KCNN2: variants seen among roughly 807,000 people sequenced by gnomAD.
The protein encoded by KCNN2 is small conductance calcium-activated potassium channel protein 2.
In KCNN2, 24 loss-of-function variants were observed where a neutral mutation model predicts 55.5. The observed-to-expected ratio is 0.43, with a 90% confidence interval of 0.31 to 0.61. The LOEUF is 0.61. Among genes scored for constraint, KCNN2 ranks in the 20% least tolerant of loss-of-function variants. KCNN2 has a pLI of 0.08. For missense variants in KCNN2, 754 were observed against 853.6 expected, an observed-to-expected ratio of 0.88 and a Z score of 1.45; for synonymous variants, 431 against 336.1, an observed-to-expected ratio of 1.28 and a Z score of -3.09.
At chr5:114,276,000 ATG>A (rs1755480524) in intron 2 of KCNN2, among the ~76,000 whole-genome samples, 1 of 152,124 alleles carries the variant, frequency 6.6e-6, no homozygotes, top group East Asian at 1.9e-4. Context: ...AATGCTTTAA[ATG>A]TGTCCCAGAG....
At chr5:114,238,089 T>C (rs1754541492) in intron 2 of KCNN2, among the ~76,000 whole-genome samples, 1 of 152,178 alleles carries the variant, frequency 6.6e-6, no homozygotes, top group Non-Finnish European at 1.5e-5. Context: ...TCAGTAAGTC[T>C]CTCTAGCATT....
intron 3 of KCNN2, among the ~76,000 whole-genome samples, chr5:114,434,440 T>C (rs769472049): frequency 5.3e-5 from 8 of 152,188 alleles, no homozygotes; most frequent in Non-Finnish European, 1.2e-4. Flanking sequence ...TAAATCCCAG[T>C]CTGATAACCC....
chr5:114,184,437 G>A (rs1201125259), intron 1 of KCNN2, among the ~76,000 whole-genome samples: 3 of 152,168 alleles, frequency 2.0e-5, no homozygotes, highest in Admixed American at 1.3e-4. Flanking sequence ...GCTAAAAGAT[G>A]TTGAGATTGC....
chr5:114,237,531 G>A (rs1754527077), intron 2 of KCNN2, among the ~76,000 whole-genome samples: 1 of 152,082 alleles, frequency 6.6e-6, no homozygotes, highest in South Asian at 2.1e-4. Context: ...AGGTAGGAGG[G>A]AGAGAGAAGG....
At chr5:114,251,695 A>G (rs921473128) in intron 2 of KCNN2, among the ~76,000 whole-genome samples, 4 of 152,236 alleles carry the variant, frequency 2.6e-5, no homozygotes, top group East Asian at 1.9e-4. Context: ...TATATTTTGC[A>G]TCTTCTCACA....
intron 1 of KCNN2, among the ~76,000 whole-genome samples, chr5:114,058,108 GC>G (rs1223878734): frequency 6.6e-6 from 1 of 152,162 alleles, no homozygotes; most frequent in Non-Finnish European, 1.5e-5. Flanking sequence ...ATGTGAATAT[GC>G]TTAACAGCCT....
intron 2 of KCNN2, among the ~76,000 whole-genome samples, chr5:114,321,203 AC>A (rs1490223836): frequency 6.6e-6 from 1 of 151,736 alleles, no homozygotes; most frequent in Non-Finnish European, 1.5e-5. Flanking sequence ...AGTACAATTT[AC>A]CCCCATTGTT....
chr5:114,188,262 T>A (rs1343831531), intron 1 of KCNN2, among the ~76,000 whole-genome samples: 1 of 152,220 alleles, frequency 6.6e-6, no homozygotes, highest in East Asian at 1.9e-4. Flanking sequence ...TATTTGGGCC[T>A]CTTGAGGAGG....
At chr5:114,136,914 G>C (rs1002933156) in intron 1 of KCNN2, among the ~76,000 whole-genome samples, 1 of 152,120 alleles carries the variant, frequency 6.6e-6, no homozygotes, top group Non-Finnish European at 1.5e-5. Context: ...GGTTAATGAG[G>C]TTCAATAATT....
At chr5:114,225,611 T>C (rs1202345983) in intron 2 of KCNN2, among the ~76,000 whole-genome samples, 1 of 151,948 alleles carries the variant, frequency 6.6e-6, no homozygotes, top group Non-Finnish European at 1.5e-5. Flanking sequence ...ATCAAATGAA[T>C]GAATGAGTCT....
chr5:114,339,213 G>C (rs926664634), intron 2 of KCNN2, among the ~76,000 whole-genome samples: 4 of 152,218 alleles, frequency 2.6e-5, no homozygotes, highest in Admixed American at 1.3e-4. Flanking sequence ...CTGAGGAGTT[G>C]TGGCCCTCTA....
chr5:114,378,408 C>T (rs146703252), intron 2 of KCNN2, among the ~76,000 whole-genome samples: 2 of 152,174 alleles, frequency 1.3e-5, no homozygotes, highest in African/African-American at 4.8e-5. Flanking sequence ...TTTGTTCTAT[C>T]TTTGCATCAA....
intron 2 of KCNN2, among the ~76,000 whole-genome samples, chr5:114,251,950 C>T (rs368448557): frequency 1.4e-5 from 2 of 147,872 alleles, no homozygotes; most frequent in African/African-American, 5.0e-5. Flanking sequence ...GTGATCTTGG[C>T]TCACTGCAAC....
intron 1 of KCNN2, among the ~76,000 whole-genome samples, chr5:114,094,895 A>G (rs915929871): frequency 6.6e-6 from 1 of 152,084 alleles, no homozygotes; most frequent in African/African-American, 2.4e-5. Context: ...CTTATAATTC[A>G]ATCCTGCTTT....
At chr5:114,396,532 A>C (rs938820851) in intron 2 of KCNN2, among the ~76,000 whole-genome samples, 3 of 149,440 alleles carry the variant, frequency 2.0e-5, no homozygotes, top group Non-Finnish European at 4.4e-5. Flanking sequence ...GCATATAAGC[A>C]TAGTACCCAA....
At chr5:114,113,132 T>A (rs1158876398) in intron 1 of KCNN2, among the ~76,000 whole-genome samples, 1 of 152,016 alleles carries the variant, frequency 6.6e-6, no homozygotes, top group African/African-American at 2.4e-5. Context: ...GCTTTAAAGA[T>A]CTCTAAATAA....
At chr5:114,232,694 T>C (rs1348837916) in intron 2 of KCNN2, among the ~76,000 whole-genome samples, 8 of 150,956 alleles carry the variant, frequency 5.3e-5, no homozygotes, top group Admixed American at 5.3e-4. Flanking sequence ...GCTTAAAAAG[T>C]ATTGTTCTTT....
At chr5:114,214,686 C>G (rs1305108421) in intron 1 of KCNN2, among the ~76,000 whole-genome samples, 1 of 152,050 alleles carries the variant, frequency 6.6e-6, no homozygotes, top group Non-Finnish European at 1.5e-5. Context: ...CAGATGCCTT[C>G]TTTCAAAGAA....
At chr5:114,429,118 A>G (rs1759715402) in intron 3 of KCNN2, among the ~76,000 whole-genome samples, 2 of 152,130 alleles carry the variant, frequency 1.3e-5, no homozygotes, top group African/African-American at 4.8e-5. Context: ...TGGAAAGAAT[A>G]TGTTTAGTTT....
Sources: gnomAD v4.1 joint callset for allele counts (sites outside exome capture counted in the v4.1 genomes callset) on GRCh38, gnomAD v4.1.1 for gene constraint, MANE v1.5 for transcripts, NCBI Gene and HGNC (gene_info 2026-07-23, HGNC 2026-07-21) for gene names.